The following PCDHA1 variants were observed in gnomAD, a reference collection of about 807,000 sequenced individuals.
PCDHA1 encodes the protein protocadherin alpha 1.
In PCDHA1, 42 loss-of-function variants were observed where a neutral mutation model predicts 61.3. That is an observed-to-expected ratio of 0.69 (90% confidence interval 0.54 to 0.89). The LOEUF (loss-of-function observed/expected upper bound fraction) is 0.89, where lower values mean the gene tolerates loss of function less well. Among genes scored for constraint, PCDHA1 ranks in the 40% least tolerant of loss-of-function variants. PCDHA1 has a pLI of 0.00. For synonymous variants in PCDHA1, 610 were observed against 553.8 expected, an observed-to-expected ratio of 1.10 and a Z score of -1.43; for missense variants, 1,256 against 1,235.3, an observed-to-expected ratio of 1.02 and a Z score of -0.25.
rs782180138 is a variant in PCDHA1, at chr5:140,856,292, A to G, written c.2394+67608A>G. 5 of 1,598,490 alleles carry G rather than the reference A, an allele frequency of 3.1e-6. 1 individual carries two copies. The stretch of plus-strand genomic sequence containing the variant: ...TCTGGAGGTAAATCTGCAGAATGGC[A>G]TTTTGTTTGTGAATTCTCGGATTGA... On this transcript the variant is annotated intron_variant, in intron 1 of 3. Transcript: ENST00000504120.
chr5:140,846,625 C>A (rs567549209), intron 1 of PCDHA1, among the ~76,000 whole-genome samples: 1 of 149,010 alleles, frequency 6.7e-6, no homozygotes, highest in Non-Finnish European at 1.5e-5. Flanking sequence ...CCGCCCACTT[C>A]GGCCTCCTAA....
chr5:140,984,091 T>G (rs1357477287), intron 3 of PCDHA1, among the ~76,000 whole-genome samples: 1 of 152,204 alleles, frequency 6.6e-6, no homozygotes. Context: ...GAAGAAATGA[T>G]GGAGGAGGAA....
At chr5:141,002,550 G>A (rs1458455103) in intron 3 of PCDHA1, among the ~76,000 whole-genome samples, 1 of 152,186 alleles carries the variant, frequency 6.6e-6, no homozygotes, top group African/African-American at 2.4e-5. Context: ...TGAGTCCCAG[G>A]ATCCACCAGT....
intron 1 of PCDHA1, chr5:140,824,115 C>A: frequency 6.2e-7 from 1 of 1,613,930 alleles, no homozygotes; most frequent in South Asian, 1.1e-5. Context: ...AGGGTCCCAC[C>A]TCTACAGACA....
chr5:140,804,849 T>G, intron 1 of PCDHA1: 1 of 488,352 alleles, frequency 2.0e-6, no homozygotes, highest in Non-Finnish European at 3.5e-6. Flanking sequence ...GTGTGGGAGG[T>G]CTAACACGTA....
At chr5:140,929,034 C>A in intron 1 of PCDHA1, 4 of 1,614,158 alleles carry the variant, frequency 2.5e-6, no homozygotes, top group Non-Finnish European at 3.4e-6. Flanking sequence ...CAGGCTGTTG[C>A]GCTCAGAGCT....
Position 140,808,872 on chromosome 5 carries a change from C to A in PCDHA1, c.2394+20188C>A, listed in dbSNP as rs782630901. The A allele has an allele frequency of 5.0e-6, 8 of 1,613,186 alleles. 1 individual carries two copies. In the South Asian group the frequency reaches 8.8e-5, roughly 18 times the overall value. On this transcript the variant is annotated intron_variant, in intron 1 of 3. Transcript: ENST00000504120. ...TTCGTGCTGGACGAAAACGACAACGCGCCAGCACTGCTAGCGCCTCGGGCG... is the reference window on the plus strand; with the variant it reads ...TTCGTGCTGGACGAAAACGACAACGAGCCAGCACTGCTAGCGCCTCGGGCG...
intron 1 of PCDHA1, chr5:140,796,701 G>T (rs1554120058): frequency 6.2e-7 from 1 of 1,614,004 alleles, no homozygotes; most frequent in African/African-American, 1.3e-5. Flanking sequence ...CAGTGAGTGA[G>T]CTGGTGCCGT....
intron 1 of PCDHA1, chr5:140,821,859 C>A: frequency 6.2e-7 from 1 of 1,614,192 alleles, no homozygotes; most frequent in Non-Finnish European, 8.5e-7. Flanking sequence ...CAGGGAGCGG[C>A]CAGCTCCACT....
intron 1 of PCDHA1, chr5:140,843,540 T>C: frequency 6.3e-7 from 1 of 1,595,966 alleles, no homozygotes; most frequent in Non-Finnish European, 8.6e-7. Context: ...CCCACTCTGG[T>C]GTGCTCCAGT....
At chr5:140,829,637 A>G in intron 1 of PCDHA1, 2 of 1,612,300 alleles carry the variant, frequency 1.2e-6, no homozygotes, top group Non-Finnish European at 1.7e-6. Context: ...GGAGAGCGGC[A>G]AGGTGTACGC....
At chr5:140,928,718 T>C in intron 1 of PCDHA1, 1 of 1,614,174 alleles carries the variant, frequency 6.2e-7, no homozygotes, top group East Asian at 2.2e-5. Context: ...TCTAGTCTCT[T>C]TAGAATTTCA....
intron 3 of PCDHA1, among the ~76,000 whole-genome samples, chr5:140,997,797 C>T (rs2097786104): frequency 6.6e-6 from 1 of 151,944 alleles, no homozygotes; most frequent in Non-Finnish European, 1.5e-5. Context: ...TATAATTTAT[C>T]CAATTTGCTG....
chr5:140,876,165 C>T (rs782073467), intron 1 of PCDHA1: 4 of 1,613,944 alleles, frequency 2.5e-6, no homozygotes, highest in Admixed American at 1.7e-5. Flanking sequence ...TTCAAATAAC[C>T]GTCCTGGATG....
intron 1 of PCDHA1, chr5:140,801,859 A>G (rs781796006): frequency 6.2e-7 from 1 of 1,614,024 alleles, no homozygotes; most frequent in East Asian, 2.2e-5. Flanking sequence ...GGGAAACCAG[A>G]GCTCACTGGC....
chr5:140,870,085 C>T lies in PCDHA1; in HGVS notation c.2394+81401C>T, dbSNP rs200687541. ...ACAGGCTACAGATAAGGGGACTCCCCCAATGGCAGGTCACTGTACAGTCTG... is the reference window on the plus strand; with the variant it reads ...ACAGGCTACAGATAAGGGGACTCCCTCAATGGCAGGTCACTGTACAGTCTG... On this transcript the variant is annotated intron_variant, in intron 1 of 3. Coordinates refer to ENST00000504120, the MANE Select transcript of PCDHA1 (RefSeq NM_018900.4). 1.7e-4 allele frequency: 271 copies of T among 1,613,744 alleles called. No homozygotes were observed. The highest frequency in any genetic ancestry group is 1.8e-4 in the Non-Finnish European group (215 of 1,179,872).
Position 141,010,344 on chromosome 5 carries a change from G to C in PCDHA1, c.*407G>C. ...CAGCTTGGGAGTTTGTGGCCACTGG[G>C]TATGTGTGGCTACCGCGGGTATGCG... is the stretch of plus-strand genomic sequence containing the variant. On this transcript the variant is annotated 3_prime_UTR_variant, in exon 4 of 4. Transcript: ENST00000504120. 1 of 1,518,888 alleles carries C rather than the reference G, an allele frequency of 6.6e-7. No homozygotes were observed. Among genetic ancestry groups the C allele is most frequent in the Non-Finnish European group, 8.8e-7 (1 of 1,132,764 alleles). The allele number at this position is 1,518,888 out of a possible 1,614,324, so 94.1% of individuals were successfully genotyped here.
At chr5:140,795,782 C>A in intron 1 of PCDHA1, 1 of 1,613,704 alleles carries the variant, frequency 6.2e-7, no homozygotes. Flanking sequence ...GATGAAGGAC[C>A]GAACAGCGAG....
Position 140,788,266 on chromosome 5 carries a change from T to A in PCDHA1, c.1976T>A (p.Leu659Gln). The change falls in exon 1 of 4, where the codon CTG becomes CAG. Residue 659 changes from leucine (L) to glutamine (Q), a missense_variant. Coordinates refer to ENST00000504120, the MANE Select transcript of PCDHA1 (RefSeq NM_018900.4). ...VLVKDHGEPA[L>Q]TATATVLVSL... ...GTGAAGGATCACGGTGAGCCGGCGC[T>A]GACAGCCACGGCCACTGTGCTTGTA... 1.9e-6 allele frequency: 3 copies of A among 1,613,952 alleles called. No homozygotes were observed. The highest frequency in any genetic ancestry group is 2.5e-6 in the Non-Finnish European group (3 of 1,179,920).
Sources: allele counts gnomAD v4.1 joint callset (sites outside exome capture counted in the v4.1 genomes callset), GRCh38; gene constraint gnomAD v4.1.1; transcripts MANE v1.5; gene names NCBI Gene and HGNC (gene_info 2026-07-23, HGNC 2026-07-21).